MYOCOS: variants seen among roughly 807,000 people sequenced by gnomAD.
MYOCOS encodes myocilin opposite strand, also known as myocilin opposite strand protein.
At chr1:171,607,046 A>T (rs1006973211) in intron 1 of MYOCOS, among the ~76,000 whole-genome samples, 51 of 149,770 alleles carry the variant, frequency 3.4e-4, no homozygotes, top group African/African-American at 1.1e-3. Flanking sequence ...CTGAGCAGAG[A>T]TCACACCACT....
At chr1:171,607,030 G>T (rs1382630744) in intron 1 of MYOCOS, among the ~76,000 whole-genome samples, 1 of 149,056 alleles carries the variant, frequency 6.7e-6, no homozygotes. Flanking sequence ...GGAGGCAGAG[G>T]TTGCACTGAG....
chr1:171,624,602 A>G (rs1267745251), intron 2 of MYOCOS, among the ~76,000 whole-genome samples: 1 of 151,670 alleles, frequency 6.6e-6, no homozygotes, highest in Non-Finnish European at 1.5e-5. Context: ...ACGCCCGGCT[A>G]ATATTTTGTG....
chr1:171,617,654 T>C (rs568044691), upstream of MYOCOS, among the ~76,000 whole-genome samples: 3 of 152,266 alleles, frequency 2.0e-5, no homozygotes, highest in Admixed American at 2.0e-4. Context: ...AGGAAAGGAA[T>C]TGGAGGCAGT....
At chr1:171,607,924 C>T (rs1037524485) in intron 1 of MYOCOS, among the ~76,000 whole-genome samples, 5 of 152,056 alleles carry the variant, frequency 3.3e-5, no homozygotes, top group South Asian at 2.1e-4. Flanking sequence ...TCCATGTGGC[C>T]GGGGAAGCCT....
chr1:171,612,260 G>A (rs1652368846), intron 1 of MYOCOS, among the ~76,000 whole-genome samples: 1 of 151,764 alleles, frequency 6.6e-6, no homozygotes, highest in Non-Finnish European at 1.5e-5. Flanking sequence ...TGTATTTTTA[G>A]TAGAGACGGG....
intron 1 of MYOCOS, among the ~76,000 whole-genome samples, chr1:171,606,919 C>T: frequency 6.6e-6 from 1 of 151,868 alleles, no homozygotes; most frequent in Non-Finnish European, 1.5e-5. Flanking sequence ...GGGTGAAACC[C>T]CATCTCTACT....
intron 1 of MYOCOS, 23 bp from the exon 2 acceptor site, chr1:171,623,818 G>A (rs1478010017): frequency 5.0e-6 from 2 of 398,236 alleles, no homozygotes; most frequent in Non-Finnish European, 8.8e-6. Flanking sequence ...ATGTGTGCCA[G>A]CTCTTGTGTT....
chr1:171,617,670 T>C (rs895947965), upstream of MYOCOS, among the ~76,000 whole-genome samples: 47 of 152,250 alleles, frequency 3.1e-4, no homozygotes, highest in African/African-American at 9.6e-4. Context: ...GCAGTGAATA[T>C]AGACAAATCT....
chr1:171,604,870 A>C (rs1652215527), intron 1 of MYOCOS, among the ~76,000 whole-genome samples: 1 of 152,214 alleles, frequency 6.6e-6, no homozygotes, highest in African/African-American at 2.4e-5. Flanking sequence ...CACGAGTGGA[A>C]GCTGCAACCC....
intron 2 of MYOCOS, among the ~76,000 whole-genome samples, chr1:171,625,824 A>T (rs973572147): frequency 6.6e-6 from 1 of 152,108 alleles, no homozygotes; most frequent in Non-Finnish European, 1.5e-5. Context: ...GGAGAAAGCT[A>T]ATTGATGGGA....
chr1:171,624,699 G>T (rs746453514), intron 2 of MYOCOS, among the ~76,000 whole-genome samples: 2 of 151,810 alleles, frequency 1.3e-5, no homozygotes, highest in Non-Finnish European at 2.9e-5. Flanking sequence ...TGCCCGCCTC[G>T]GCCTCCCAAA....
At chr1:171,619,707 G>C (rs901546001), upstream of MYOCOS, among the ~76,000 whole-genome samples, 6 of 151,656 alleles carry the variant, frequency 4.0e-5, no homozygotes, top group Non-Finnish European at 8.8e-5. Flanking sequence ...AAATGTGGCA[G>C]GCACCTGTGG....
At chr1:171,624,830 T>A (rs2102940679) in intron 2 of MYOCOS, among the ~76,000 whole-genome samples, 1 of 152,190 alleles carries the variant, frequency 6.6e-6, no homozygotes, top group Admixed American at 6.5e-5. Flanking sequence ...GTGGTCCACC[T>A]GCCTCAGCAT....
intron 1 of MYOCOS, among the ~76,000 whole-genome samples, chr1:171,602,768 T>A (rs1652167796): frequency 6.6e-6 from 1 of 152,152 alleles, no homozygotes; most frequent in Non-Finnish European, 1.5e-5. Context: ...TATAAAATAG[T>A]GTTTAACTTT....
intron 1 of MYOCOS, among the ~76,000 whole-genome samples, chr1:171,608,218 G>A (rs1291177552): frequency 6.6e-6 from 1 of 152,122 alleles, no homozygotes; most frequent in Non-Finnish European, 1.5e-5. Context: ...CACTGCAAAA[G>A]AGATGTGCAC....
chr1:171,618,542 G>A (rs1474196291), upstream of MYOCOS, among the ~76,000 whole-genome samples: 1 of 151,410 alleles, frequency 6.6e-6, no homozygotes, highest in Non-Finnish European at 1.5e-5. Flanking sequence ...ATTCTTTCAA[G>A]AGGATCACTA....
At chr1:171,618,021 C>T (rs1652483047), upstream of MYOCOS, among the ~76,000 whole-genome samples, 1 of 152,102 alleles carries the variant, frequency 6.6e-6, no homozygotes, top group Non-Finnish European at 1.5e-5. Context: ...CCATTGTCCT[C>T]AGCTAAGAAT....
intron 2 of MYOCOS, among the ~76,000 whole-genome samples, chr1:171,625,699 G>T (rs1652679879): frequency 6.6e-6 from 1 of 152,188 alleles, no homozygotes; most frequent in African/African-American, 2.4e-5. Flanking sequence ...GCCAAAGGGA[G>T]CTGTGAAGTG....
At chr1:171,608,407 A>ATTTTT (rs1652293515) in intron 1 of MYOCOS, among the ~76,000 whole-genome samples, 14 of 67,894 alleles carry the variant, frequency 2.1e-4, no homozygotes, top group African/African-American at 1.1e-3. Flanking sequence ...AGGGAACCAG[A>ATTTTT]CTTTTTTTTT....
Sources: allele counts gnomAD v4.1 joint callset (sites outside exome capture counted in the v4.1 genomes callset), GRCh38; gene constraint gnomAD v4.1.1; transcripts MANE v1.5; gene names NCBI Gene and HGNC (gene_info 2026-07-23, HGNC 2026-07-21).